Variants in ACSM3 observed in about 807,000 individuals in gnomAD.
The protein encoded by ACSM3 is acyl-coenzyme A synthetase ACSM3, mitochondrial.
ACSM3 carries 61 observed loss-of-function variants against 74.1 expected under a neutral mutation model. That is an observed-to-expected ratio of 0.82 (90% CI 0.67 to 1.02). The LOEUF (loss-of-function observed/expected upper bound fraction) is 1.02, where lower values mean the gene tolerates loss of function less well. Ranked by LOEUF, ACSM3 falls within the 50% of genes least tolerant of loss-of-function variation. ACSM3 has a pLI of 0.00. For synonymous variants in ACSM3, 213 were observed against 241.5 expected, an observed-to-expected ratio of 0.88 and a Z score of 1.09; for missense variants, 660 against 697.0, an observed-to-expected ratio of 0.95 and a Z score of 0.60.
intron 1 of ACSM3, among the ~76,000 whole-genome samples, chr16:20,728,877 T>A (rs1304837566): frequency 6.6e-6 from 1 of 151,822 alleles, no homozygotes; most frequent in Non-Finnish European, 1.5e-5. Context: ...GAGGCTGAGG[T>A]GGGAGGGTGG....
chr16:20,791,860 A>T lies in ACSM3; in HGVS notation c.1327-142A>T. On this transcript the variant is annotated intron_variant, in intron 10 of 13. Coordinates refer to ENST00000289416, the MANE Select transcript of ACSM3 (RefSeq NM_005622.4). ...GGAGAATCGCTTGAACCTGGGAGGC[A>T]GAGGTTGCAGTAAGCCAAGATCGTA... The T allele has an allele frequency of 5.8e-6, 5 of 867,822 alleles. No homozygotes were observed. In the South Asian group the frequency reaches 8.8e-5, roughly 15 times the overall value. 53.8% of individuals were successfully genotyped at this position (867,822 alleles called of 1,614,324 possible).
chr16:20,773,264 T>A (rs1332320425), intron 2 of ACSM3, among the ~76,000 whole-genome samples: 1 of 152,094 alleles, frequency 6.6e-6, no homozygotes. Context: ...CTTCTCTTTT[T>A]TTCTTAATCT....
intron 1 of ACSM3, among the ~76,000 whole-genome samples, chr16:20,720,430 T>G (rs896027699): frequency 3.9e-5 from 6 of 152,218 alleles, no homozygotes; most frequent in African/African-American, 1.4e-4. Flanking sequence ...TATAAGAATC[T>G]AATGCCACCA....
intron 12 of ACSM3, among the ~76,000 whole-genome samples, chr16:20,793,684 C>A (rs1020416132): frequency 9.9e-5 from 15 of 152,116 alleles, no homozygotes; most frequent in South Asian, 4.1e-4. Context: ...ATGACAATCG[C>A]TATTTACTGT....
intron 1 of ACSM3, among the ~76,000 whole-genome samples, chr16:20,738,467 C>T (rs1209065760): frequency 6.6e-6 from 1 of 152,126 alleles, no homozygotes; most frequent in Non-Finnish European, 1.5e-5. Flanking sequence ...TGCAACTTGC[C>T]TACATACAAG....
chr16:20,694,538 G>A (rs2152343949), intron 1 of ACSM3, among the ~76,000 whole-genome samples: 1 of 152,260 alleles, frequency 6.6e-6, no homozygotes, highest in South Asian at 2.1e-4. Flanking sequence ...ATCAAACTCA[G>A]TTGCAATTTT....
intron 12 of ACSM3, among the ~76,000 whole-genome samples, chr16:20,795,813 A>G (rs2080712005): frequency 6.6e-6 from 1 of 152,224 alleles, no homozygotes; most frequent in South Asian, 2.1e-4. Context: ...GGGGGCTATG[A>G]GGGATGGCCT....
chr16:20,769,979 T>C lies in ACSM3; in HGVS notation c.-51-5T>C. The C allele has an allele frequency of 6.4e-7, 1 of 1,571,140 alleles. No individual in the cohort carries two copies. Among genetic ancestry groups the C allele is most frequent in the Non-Finnish European group, 8.8e-7 (1 of 1,142,680 alleles). ...AAATATATGTCCTTTTTGCTTGTCT[T>C]TTAGATGAACTGGTCTCTGTGCAAA... On this transcript the variant is annotated splice_polypyrimidine_tract_variant and splice_region_variant and intron_variant, in intron 1 of 13. Transcript: ENST00000289416.
intron 1 of ACSM3, among the ~76,000 whole-genome samples, chr16:20,731,906 C>G (rs780162550): frequency 3.2e-4 from 48 of 152,166 alleles, no homozygotes; most frequent in Non-Finnish European, 8.8e-5. Context: ...AGTATAAATG[C>G]ATTATAAACT....
At chr16:20,753,475 A>AAG (rs2080004244) in intron 2 of ACSM3, among the ~76,000 whole-genome samples, 1 of 151,792 alleles carries the variant, frequency 6.6e-6, no homozygotes, top group South Asian at 2.1e-4. Context: ...AAAAAAAAAA[A>AAG]AAAAAGAGTG....
At chr16:20,677,611 T>C (rs2152293427) in intron 1 of ACSM3, among the ~76,000 whole-genome samples, 1 of 152,298 alleles carries the variant, frequency 6.6e-6, no homozygotes, top group South Asian at 2.1e-4. Flanking sequence ...GATAGGCCCC[T>C]TGGGGAGCCA....
At chr16:20,739,882 G>C (rs1263223105) in intron 1 of ACSM3, among the ~76,000 whole-genome samples, 2 of 151,598 alleles carry the variant, frequency 1.3e-5, no homozygotes, top group African/African-American at 4.8e-5. Context: ...ACTATAGAAT[G>C]TAAAATTTGA....
At position 20,691,011 on chromosome 16, in the gene ACSM3, C is replaced by G. The variant is rs1482527607; in HGVS notation, c.-190+16189C>G. 6.2e-7 allele frequency: 1 copy of G among 1,609,492 alleles called. No homozygotes were observed. Among genetic ancestry groups the G allele is most frequent in the South Asian group, 1.1e-5 (1 of 89,954 alleles). On this transcript the variant is annotated intron_variant, in intron 1 of 3. Coordinates refer to the ACSM3 transcript ENST00000561584. ...AGATCTCTTACCTTCTCCTTTTGAGCCCAGTAGTCCAGTACATAACTTGCA... is the reference window on the plus strand; with the variant it reads ...AGATCTCTTACCTTCTCCTTTTGAGGCCAGTAGTCCAGTACATAACTTGCA...
At chr16:20,769,878 G>A (rs1783877982) in intron 1 of ACSM3, 106 bp from the exon 2 acceptor site, 1 of 647,664 alleles carries the variant, frequency 1.5e-6, no homozygotes. Context: ...GCAGCAAATG[G>A]TACTATCATG....
At chr16:20,675,514 G>A (rs1314208864) in intron 1 of ACSM3, among the ~76,000 whole-genome samples, 1 of 152,180 alleles carries the variant, frequency 6.6e-6, no homozygotes, top group Non-Finnish European at 1.5e-5. Flanking sequence ...TAGAGTGAAA[G>A]TGCACCTCAA....
intron 1 of ACSM3, among the ~76,000 whole-genome samples, chr16:20,742,940 ATTTTTTT>A (rs1218181518): frequency 2.5e-5 from 3 of 121,700 alleles, no homozygotes; most frequent in Non-Finnish European, 5.2e-5. Flanking sequence ...ATGTTTGTCT[ATTTTTTT>A]TTTTTTTTTT....
intron 2 of ACSM3, among the ~76,000 whole-genome samples, chr16:20,770,710 C>T (rs1374967981): frequency 2.6e-5 from 4 of 152,076 alleles, no homozygotes; most frequent in Admixed American, 6.5e-5. Context: ...TGGCTTCCAA[C>T]GTCTAGAAAT....
At chr16:20,684,771 C>G (rs1370216441) in intron 1 of ACSM3, among the ~76,000 whole-genome samples, 1 of 151,998 alleles carries the variant, frequency 6.6e-6, no homozygotes, top group Non-Finnish European at 1.5e-5. Context: ...GGAGAGAGTG[C>G]TCAAATATGG....
At position 20,790,624 on chromosome 16, in the gene ACSM3, A is replaced by C. The variant is rs1211973433; in HGVS notation, c.1262A>C (p.Gln421Pro). The change falls in exon 10 of 14, where the codon CAA becomes CCA. Residue 421 changes from glutamine to proline, a missense_variant. Physicochemically the swap from Gln to Pro is moderately conservative, Grantham distance 76. Coordinates refer to ENST00000289416, the MANE Select transcript of ACSM3 (RefSeq NM_005622.4). The surrounding 1 kb of genome is among the most constrained non-coding windows in gnomAD (Gnocchi z 4.0). ...DVNGNVLPPGQEGDIGIQVLP... is the reference protein window; with the variant it reads ...DVNGNVLPPGPEGDIGIQVLP... ...AATGGCAATGTTCTACCTCCTGGAC[A>C]AGAAGGAGATATTGGCATTCAAGTT... 1 of 1,612,694 alleles carries C rather than the reference A, an allele frequency of 6.2e-7. No homozygotes were observed. Among genetic ancestry groups the C allele is most frequent in the Non-Finnish European group, 8.5e-7 (1 of 1,179,940 alleles).
Sources: allele counts gnomAD v4.1 joint callset (sites outside exome capture counted in the v4.1 genomes callset), GRCh38; gene constraint gnomAD v4.1.1; non-coding constraint Gnocchi (gnomAD v3.1); transcripts MANE v1.5; gene names NCBI Gene and HGNC (gene_info 2026-07-23, HGNC 2026-07-21).